Variants in TAS2R1 observed in about 807,000 individuals in gnomAD.
TAS2R1 encodes the protein taste receptor type 2 member 1.
For synonymous variants in TAS2R1, 141 were observed against 134.2 expected, an observed-to-expected ratio of 1.05 and a Z score of -0.35; for missense variants, 370 against 353.4, an observed-to-expected ratio of 1.05 and a Z score of -0.38.
the TAS2R1 span, among the ~76,000 whole-genome samples, chr5:9,810,269 C>T: frequency 7.3e-4 from 111 of 152,298 alleles, no homozygotes; most frequent in Admixed American, 1.8e-3. Flanking sequence ...TACTTGACCT[C>T]GCATTAGCAT....
the TAS2R1 span, among the ~76,000 whole-genome samples, chr5:9,773,599 ACAGGT>A: frequency 6.6e-6 from 1 of 152,186 alleles, no homozygotes; most frequent in Non-Finnish European, 1.5e-5. Flanking sequence ...TTCTCACAGG[ACAGGT>A]CTGGTGTTGA....
At chr5:9,675,444 G>A (rs1393119697) in intron 1 of TAS2R1, among the ~76,000 whole-genome samples, 1 of 140,670 alleles carries the variant, frequency 7.1e-6, no homozygotes, top group Non-Finnish European at 1.5e-5. Context: ...TTGAGATGGA[G>A]TCTTGCTTTG....
chr5:9,683,246 T>C (rs1741061271), intron 1 of TAS2R1, among the ~76,000 whole-genome samples: 1 of 152,148 alleles, frequency 6.6e-6, no homozygotes, highest in African/African-American at 2.4e-5. Flanking sequence ...TAATCTTCAA[T>C]CAGGCAGAAT....
At chr5:9,813,152 A>G in the TAS2R1 span, among the ~76,000 whole-genome samples, 9 of 152,328 alleles carry the variant, frequency 5.9e-5, no homozygotes, top group African/African-American at 1.7e-4. Flanking sequence ...AATTGGACAC[A>G]GAGATACCCA....
At chr5:9,887,914 G>A in the TAS2R1 span, among the ~76,000 whole-genome samples, 3 of 152,138 alleles carry the variant, frequency 2.0e-5, no homozygotes, top group Non-Finnish European at 2.9e-5. Context: ...GGTACTCCAG[G>A]AAAGCAGGTG....
At chr5:9,771,296 T>G in the TAS2R1 span, among the ~76,000 whole-genome samples, 1 of 152,196 alleles carries the variant, frequency 6.6e-6, no homozygotes, top group African/African-American at 2.4e-5. Context: ...TATTCTTCAT[T>G]CTGTTGATAT....
intron 1 of TAS2R1, among the ~76,000 whole-genome samples, chr5:9,697,632 A>C (rs1239437024): frequency 1.3e-5 from 2 of 152,190 alleles, no homozygotes; most frequent in Non-Finnish European, 2.9e-5. Flanking sequence ...ATATTTTTGT[A>C]TGTTTAGAGA....
At chr5:9,758,553 T>C in the TAS2R1 span, among the ~76,000 whole-genome samples, 1 of 152,322 alleles carries the variant, frequency 6.6e-6, no homozygotes, top group Non-Finnish European at 1.5e-5. Flanking sequence ...GAAGAGACCA[T>C]TATTGTCCAC....
upstream of TAS2R1, among the ~76,000 whole-genome samples, chr5:9,715,837 G>A (rs1240002368): frequency 1.3e-5 from 2 of 152,212 alleles, no homozygotes; most frequent in African/African-American, 4.8e-5. Context: ...GATGCCTTCA[G>A]TGAGCAGGGA....
In TAS2R1 at chr5:9,693,640, A is replaced by G. The variant is rs529290804; in HGVS notation, c.-242+18532T>C. Among the ~76,000 whole-genome samples the G allele has an allele frequency of 1.4e-4, 21 of 151,080 alleles. No individual in the cohort carries two copies. In the East Asian group the frequency reaches 4.1e-3, roughly 30 times the overall value. ...AGTCTGTTTTTTTTTTTAAATAAAG[A>G]GGCATAATAATAATAAACAGACAAA... On this transcript the variant is annotated intron_variant, in intron 1 of 2. Coordinates refer to the TAS2R1 transcript ENST00000506620.
chr5:9,670,539 G>C (rs1740728716), intron 1 of TAS2R1, among the ~76,000 whole-genome samples: 1 of 152,098 alleles, frequency 6.6e-6, no homozygotes, highest in South Asian at 2.1e-4. Context: ...GCCTACTCTG[G>C]CTCAGGAGGC....
chr5:9,798,742 C>T, the TAS2R1 span, among the ~76,000 whole-genome samples: 6 of 152,198 alleles, frequency 3.9e-5, no homozygotes, highest in African/African-American at 9.6e-5. Flanking sequence ...GCTTGAAGTC[C>T]GCTTTGGTTT....
chr5:9,879,217 C>T, the TAS2R1 span, among the ~76,000 whole-genome samples: 2 of 152,234 alleles, frequency 1.3e-5, no homozygotes, highest in African/African-American at 4.8e-5. Context: ...AAACTGTCAA[C>T]ATATTTAATA....
the TAS2R1 span, among the ~76,000 whole-genome samples, chr5:9,744,313 G>A: frequency 4.0e-3 from 602 of 152,224 alleles, 1 homozygote; most frequent in African/African-American, 9.9e-3. Flanking sequence ...ATATTGGGCC[G>A]GTGGGTCATA....
At chr5:9,800,995 C>G in the TAS2R1 span, among the ~76,000 whole-genome samples, 1 of 152,190 alleles carries the variant, frequency 6.6e-6, no homozygotes, top group African/African-American at 2.4e-5. Flanking sequence ...AGTTTGAGAA[C>G]AGCCTTGTAA....
chr5:9,884,934 T>C, the TAS2R1 span, among the ~76,000 whole-genome samples: 1 of 152,248 alleles, frequency 6.6e-6, no homozygotes, highest in Non-Finnish European at 1.5e-5. Context: ...TGACATTCAC[T>C]CTCAGTCTTA....
chr5:9,756,650 G>A, the TAS2R1 span, among the ~76,000 whole-genome samples: 1 of 152,156 alleles, frequency 6.6e-6, no homozygotes, highest in Non-Finnish European at 1.5e-5. Flanking sequence ...AAATCTTTGT[G>A]AGTGGTTGGG....
the TAS2R1 span, among the ~76,000 whole-genome samples, chr5:9,893,076 G>T: frequency 3.3e-5 from 5 of 152,256 alleles, no homozygotes; most frequent in East Asian, 9.7e-4. Context: ...TAGGGTCCTG[G>T]CAGCAATATT....
At chr5:9,737,260 G>C in the TAS2R1 span, among the ~76,000 whole-genome samples, 1,358 of 152,168 alleles carry the variant, frequency 8.9e-3, 21 homozygotes, top group African/African-American at 0.031. Context: ...ATTCACAATG[G>C]GGGTGTTCAC....
Sources: allele counts gnomAD v4.1 joint callset (sites outside exome capture counted in the v4.1 genomes callset), GRCh38; gene constraint gnomAD v4.1.1; transcripts MANE v1.5; gene names NCBI Gene and HGNC (gene_info 2026-07-23, HGNC 2026-07-21).